ITGAV: variants seen among roughly 807,000 people sequenced by gnomAD.
ITGAV encodes integrin alpha-V.
A neutral mutation model predicts 143.8 loss-of-function variants in ITGAV; 76 were observed. That is an observed-to-expected ratio of 0.53 (90% CI 0.44 to 0.64). ITGAV has a LOEUF of 0.64. Ranked by LOEUF, ITGAV falls within the 30% of genes least tolerant of loss-of-function variation. The pLI, the probability that ITGAV is intolerant of heterozygous loss-of-function variation, is 0.00. For missense variants in ITGAV, 1,193 were observed against 1,274.7 expected (o/e 0.94, Z 0.98); for synonymous variants, 453 against 446.7 (o/e 1.01, Z -0.18).
At position 186,656,243 on chromosome 2, in the gene ITGAV, A is replaced by C; in HGVS notation, c.1565-4A>C. ...GTTGGTTATAAATCCTTTGGTTTAC[A>C]TAGATTTCCAGGTGGAACTTCTTTT... On this transcript the variant is annotated splice_region_variant and splice_polypyrimidine_tract_variant and intron_variant, in intron 16 of 29. Transcript: ENST00000261023. 6.3e-7 allele frequency: 1 copy of C among 1,581,176 alleles called. No individual in the cohort carries two copies. Among genetic ancestry groups the C allele is most frequent in the African/African-American group, 1.4e-5 (1 of 72,696 alleles).
intron 16 of ITGAV, among the ~76,000 whole-genome samples, chr2:186,655,169 T>A (rs1049111177): frequency 6.6e-6 from 1 of 152,224 alleles, no homozygotes; most frequent in Non-Finnish European, 1.5e-5. Context: ...ACTCTACTCT[T>A]CTTTTCCTAA....
chr2:186,619,020 T>C (rs550818110), intron 2 of ITGAV, among the ~76,000 whole-genome samples: 1 of 151,854 alleles, frequency 6.6e-6, no homozygotes, highest in Non-Finnish European at 1.5e-5. Flanking sequence ...TAACAACAGA[T>C]GAATGGATAA....
intron 2 of ITGAV, among the ~76,000 whole-genome samples, chr2:186,616,031 T>C (rs1464193041): frequency 6.6e-6 from 1 of 152,148 alleles, no homozygotes; most frequent in Non-Finnish European, 1.5e-5. Flanking sequence ...TATCTAGTTG[T>C]CCCAGCATCA....
chr2:186,604,623 CA>C (rs931109650), intron 2 of ITGAV, among the ~76,000 whole-genome samples: 9 of 152,244 alleles, frequency 5.9e-5, no homozygotes, highest in African/African-American at 2.2e-4. Flanking sequence ...AAACCCATGG[CA>C]ACCTCATTTA....
rs1329887610 is a variant in ITGAV at position 186,679,473 on chromosome 2, A to G, written c.*2181A>G. ...ATGGAGAAGAGTAATTTGAAAGCCT[A>G]CTTTCTGAAGAAAATGGTGGGATTT... On this transcript the variant is annotated 3_prime_UTR_variant, in exon 30 of 30. Transcript: ENST00000261023. 1 of 143,806 alleles carries G rather than the reference A, an allele frequency of 7.0e-6. No homozygotes were observed. Among genetic ancestry groups the G allele is most frequent in the South Asian group, 2.3e-4 (1 of 4,326 alleles). 8.9% of individuals were successfully genotyped at this position (143,806 alleles called of 1,614,324 possible). A position where few individuals can be genotyped will look rare whatever the true frequency, so the allele number is the denominator to read the frequency against.
chr2:186,621,158 C>T (rs1032499988), intron 2 of ITGAV, among the ~76,000 whole-genome samples: 2 of 152,064 alleles, frequency 1.3e-5, no homozygotes, highest in African/African-American at 2.4e-5. Flanking sequence ...TACCATTGGT[C>T]TTGTACATAT....
intron 2 of ITGAV, among the ~76,000 whole-genome samples, chr2:186,613,929 A>G (rs1687285125): frequency 6.6e-6 from 1 of 152,212 alleles, no homozygotes; most frequent in Non-Finnish European, 1.5e-5. Context: ...GTTCCTAGGA[A>G]GGTCAGTGCT....
chr2:186,664,737 A>G, intron 20 of ITGAV, 96 bp downstream of exon 20: 1 of 1,457,176 alleles, frequency 6.9e-7, no homozygotes, highest in Non-Finnish European at 9.5e-7. Context: ...AAGCTTAGCT[A>G]TTCTACCTAA....
chr2:186,649,751 T>G (rs1031612633), intron 13 of ITGAV, 89 bp from the exon 14 acceptor site: 2 of 891,866 alleles, frequency 2.2e-6, no homozygotes, highest in African/African-American at 3.5e-5. Context: ...TGTTCAAACC[T>G]TTTTATATTC....
chr2:186,601,170 A>C (rs1242416099), intron 1 of ITGAV, among the ~76,000 whole-genome samples: 1 of 152,168 alleles, frequency 6.6e-6, no homozygotes, highest in Non-Finnish European at 1.5e-5. Context: ...AAGAAATTGA[A>C]TAGTGGTCCT....
intron 2 of ITGAV, among the ~76,000 whole-genome samples, chr2:186,607,998 A>C (rs1309169361): frequency 6.6e-6 from 1 of 152,126 alleles, no homozygotes; most frequent in Non-Finnish European, 1.5e-5. Flanking sequence ...GTTGTTGCAA[A>C]AGATATCATT....
At chr2:186,625,382 AAGTG>A (rs1687643778) in intron 3 of ITGAV, 87 bp from the exon 4 acceptor site, 1 of 739,342 alleles carries the variant, frequency 1.4e-6, no homozygotes, top group East Asian at 2.7e-5. Context: ...AAAAAAGAGA[AAGTG>A]GTATTATATT....
chr2:186,595,242 T>C (rs1340696067), intron 1 of ITGAV, among the ~76,000 whole-genome samples: 1 of 152,246 alleles, frequency 6.6e-6, no homozygotes, highest in East Asian at 1.9e-4. Flanking sequence ...TTAAACATGC[T>C]TTATCTTAGA....
intron 26 of ITGAV, among the ~76,000 whole-genome samples, chr2:186,673,295 A>C (rs1487980783): frequency 6.6e-6 from 1 of 152,250 alleles, no homozygotes; most frequent in African/African-American, 2.4e-5. Flanking sequence ...CCTTAATACA[A>C]GTAACAAATT....
intron 7 of ITGAV, among the ~76,000 whole-genome samples, chr2:186,636,420 A>G (rs1209804304): frequency 1.3e-5 from 2 of 152,136 alleles, no homozygotes; most frequent in Admixed American, 6.6e-5. Flanking sequence ...GTGCAGTGAT[A>G]ATAATAATAG....
At chr2:186,623,005 C>G (rs1395493323) in intron 3 of ITGAV, among the ~76,000 whole-genome samples, 7 of 152,084 alleles carry the variant, frequency 4.6e-5, no homozygotes, top group Non-Finnish European at 1.0e-4. Context: ...CTCAGGTGAG[C>G]CACCGAGCCT....
intron 2 of ITGAV, among the ~76,000 whole-genome samples, chr2:186,615,240 A>G (rs370690146): frequency 3.3e-5 from 5 of 152,228 alleles, no homozygotes; most frequent in South Asian, 4.1e-4. Flanking sequence ...CTTCTTGGCT[A>G]TTATGAATAA....
At chr2:186,595,831 A>C (rs977490599) in intron 1 of ITGAV, among the ~76,000 whole-genome samples, 2 of 151,372 alleles carry the variant, frequency 1.3e-5, no homozygotes, top group Non-Finnish European at 2.9e-5. Flanking sequence ...ATCAGTGAAA[A>C]CTCTTGTCAA....
In ITGAV at chr2:186,640,802, A is replaced by C; in HGVS notation, c.904-113A>C. 4 of 744,836 alleles carry C rather than the reference A, an allele frequency of 5.4e-6. 1 individual carries two copies. Among genetic ancestry groups the C allele is most frequent in the Non-Finnish European group, 8.9e-6 (4 of 451,460 alleles). 46.1% of individuals were successfully genotyped at this position (744,836 alleles called of 1,614,324 possible). On this transcript the variant is annotated intron_variant, in intron 10 of 29. Transcript: ENST00000261023. ...ACAAAAGACAAGACATTTAGATTGAAGCACTATATGCAGAGAAAAAAAATA... is the reference window on the plus strand; with the variant it reads ...ACAAAAGACAAGACATTTAGATTGACGCACTATATGCAGAGAAAAAAAATA...
Sources: allele counts gnomAD v4.1 joint callset (sites outside exome capture counted in the v4.1 genomes callset), GRCh38; gene constraint gnomAD v4.1.1; transcripts MANE v1.5; gene names NCBI Gene and HGNC (gene_info 2026-07-23, HGNC 2026-07-21).